TCF4: variants seen among roughly 807,000 people sequenced by gnomAD.
The protein encoded by TCF4 is transcription factor 4.
TCF4 carries 3 observed loss-of-function variants against 82.1 expected under a neutral mutation model. The ratio of observed to expected loss-of-function variants is 0.04; its 90% CI spans 0.02 to 0.09. The LOEUF (loss-of-function observed/expected upper bound fraction) is 0.09, where lower values mean the gene tolerates loss of function less well. TCF4 is among the 10% of genes least tolerant of loss of function. The pLI, the probability that TCF4 is intolerant of heterozygous loss-of-function variation, is 1.00. For missense variants in TCF4, 518 were observed against 852.7 expected (o/e 0.61, Z 4.89); for synonymous variants, 276 against 309.6 (o/e 0.89, Z 1.14).
In TCF4 at chr18:55,259,945, C is replaced by A; in HGVS notation, c.1069+4G>T. On this transcript the variant is annotated splice_donor_region_variant and intron_variant, in intron 13 of 19. Transcript: ENST00000354452. Reference sequence around the variant, plus strand: ...ATGATGAAATGGGATTTGAAATACACTACCTGAGAGAGATGGAGGAGAGCC... The same window carrying A: ...ATGATGAAATGGGATTTGAAATACAATACCTGAGAGAGATGGAGGAGAGCC... 6.2e-7 allele frequency: 1 copy of A among 1,608,634 alleles called. No individual in the cohort carries two copies. The highest frequency in any genetic ancestry group is 8.5e-7 in the Non-Finnish European group (1 of 1,175,298).
chr18:55,516,480 G>A (rs1350677808), intron 3 of TCF4, among the ~76,000 whole-genome samples: 2 of 152,044 alleles, frequency 1.3e-5, no homozygotes, highest in African/African-American at 4.8e-5. Flanking sequence ...GAGAAAGGCA[G>A]TCTGATTATG....
intron 6 of TCF4, among the ~76,000 whole-genome samples, chr18:55,362,419 AAGGAAGGAAGGAAGG>A (rs2085636415): frequency 3.6e-5 from 5 of 139,186 alleles, no homozygotes; most frequent in African/African-American, 1.1e-4. Context: ...GGAAGGAAGG[AAGGAAGGAAGGAAGG>A]AAAAAAAAAA....
chr18:55,593,866 G>A (rs2097688201), intron 2 of TCF4, among the ~76,000 whole-genome samples: 1 of 152,168 alleles, frequency 6.6e-6, no homozygotes, highest in South Asian at 2.1e-4. Context: ...AAATGTCAAG[G>A]GCAGTCTTGA....
intron 3 of TCF4, among the ~76,000 whole-genome samples, chr18:55,466,732 A>T (rs1255314857): frequency 6.6e-6 from 1 of 152,196 alleles, no homozygotes; most frequent in Non-Finnish European, 1.5e-5. Context: ...CACAGAAAAA[A>T]GGAAAAGTAA....
chr18:55,228,849 C>T lies in TCF4; in HGVS notation c.1877G>A (p.Arg626Gln), dbSNP rs776644488. Residue 626 changes from arginine (R) to glutamine (Q), a missense_variant and splice_region_variant, in exon 18 of 20, where the codon CGA becomes CAA. Coordinates refer to ENST00000354452, the MANE Select transcript of TCF4 (RefSeq NM_001083962.2). ...CAAGGAGGCTGGCCTGCACTGACCT[C>T]GGACTTGCTGCTCCAGACTGAGGAT... ...AVILSLEQQVRERNLNPKAAC... is the reference protein window; with the variant it reads ...AVILSLEQQVQERNLNPKAAC... The T allele has an allele frequency of 3.1e-6, 5 of 1,613,888 alleles. No homozygotes were observed. The highest frequency in any genetic ancestry group is 4.2e-6 in the Non-Finnish European group (5 of 1,180,028).
chr18:55,410,262 C>A lies in TCF4; in HGVS notation c.305-6744G>T, dbSNP rs188104564. Among the ~76,000 whole-genome samples the A allele has an allele frequency of 5.3e-5, 8 of 152,200 alleles. No homozygotes were observed. The East Asian group carries it at 1.4e-3, about 26-fold the overall frequency. On this transcript the variant is annotated intron_variant, in intron 5 of 19. Coordinates refer to ENST00000354452, the MANE Select transcript of TCF4 (RefSeq NM_001083962.2). The stretch of plus-strand genomic sequence containing the variant: ...CTCAGTAATGGCCTATAGCTCTGAT[C>A]CCACTGGAAATTGGGGAGTTTTGGC...
chr18:55,461,260 C>T (rs1385201733), intron 4 of TCF4, 145 bp from the exon 5 acceptor site: 1 of 681,376 alleles, frequency 1.5e-6, no homozygotes, highest in Non-Finnish European at 2.5e-6. Flanking sequence ...AAGGAATCTG[C>T]ACTTTCACAG....
intron 5 of TCF4, among the ~76,000 whole-genome samples, chr18:55,451,730 C>T (rs1001246995): frequency 3.3e-5 from 5 of 152,246 alleles, no homozygotes; most frequent in African/African-American, 1.2e-4. Flanking sequence ...AGTGTTTAAT[C>T]GCAACCCCGC....
At chr18:55,356,875 A>T (rs539338438) in intron 6 of TCF4, among the ~76,000 whole-genome samples, 3 of 152,320 alleles carry the variant, frequency 2.0e-5, no homozygotes, top group Admixed American at 2.0e-4. Flanking sequence ...TGCCTTAAAC[A>T]AAATTATTTA....
At chr18:55,279,712 G>A (rs1175740338) in intron 8 of TCF4, 56 bp from the exon 9 acceptor site, 1 of 1,610,086 alleles carries the variant, frequency 6.2e-7, no homozygotes, top group East Asian at 2.2e-5. Context: ...AGCAGCCCAA[G>A]CTCCATTCTT....
intron 5 of TCF4, among the ~76,000 whole-genome samples, chr18:55,447,582 A>G (rs756939530): frequency 6.6e-6 from 1 of 152,194 alleles, no homozygotes; most frequent in Non-Finnish European, 1.5e-5. Context: ...TTGAGTATTG[A>G]AGTTTATCAT....
In TCF4 at chr18:55,434,763, C is replaced by CGTGTGTGTGTGTGTGTGTGT. The variant is rs527450659; in HGVS notation, c.304+26236_304+26255dup. Among the ~76,000 whole-genome samples the CGTGTGTGTGTGTGTGTGTGT allele has an allele frequency of 9.4e-3, 1,235 of 131,756 alleles. 24 individuals carry two copies. The highest frequency in any genetic ancestry group is 0.043 in the Admixed American group (546 of 12,730). The allele number at this position is 131,756 out of a possible 152,430, so 86.4% of individuals were successfully genotyped here. A position where few individuals can be genotyped will look rare whatever the true frequency, so the allele number is the denominator to read the frequency against. On this transcript the variant is annotated intron_variant, in intron 5 of 19. Transcript: ENST00000354452. The stretch of plus-strand genomic sequence containing the variant: ...ACATTCTGATCACCTCTCAAGTATT[C>CGTGTGTGTGTGTGTGTGTGT]GTGTGTGTGTGTGTGTGTGTGTGTG...
rs150043154 is a variant in TCF4 at position 55,513,919 on chromosome 18, G to C, written c.146-49782C>G. 5.1e-3 allele frequency among the ~76,000 whole-genome samples: 782 copies of C among 152,214 alleles called. 4 individuals are homozygous for C. The highest frequency in any genetic ancestry group is 8.9e-3 in the Non-Finnish European group (608 of 67,994). On this transcript the variant is annotated intron_variant, in intron 3 of 19. Coordinates refer to ENST00000354452, the MANE Select transcript of TCF4 (RefSeq NM_001083962.2). The stretch of plus-strand genomic sequence containing the variant: ...AGCATATACTGGTAGTCTCTGTTAA[G>C]GCTAATTGAGTTATCATAAACATGC...
At chr18:55,427,859 A>C (rs1045593045) in intron 5 of TCF4, among the ~76,000 whole-genome samples, 4 of 152,246 alleles carry the variant, frequency 2.6e-5, no homozygotes, top group African/African-American at 7.2e-5. Context: ...TGTTTTGTTC[A>C]TCATGAGAAC....
intron 6 of TCF4, among the ~76,000 whole-genome samples, chr18:55,402,642 G>T (rs1463779228): frequency 6.6e-6 from 1 of 152,058 alleles, no homozygotes; most frequent in East Asian, 1.9e-4. Flanking sequence ...TTTTAAAAAA[G>T]ATTTTAAATA....
chr18:55,234,403 T>G lies in TCF4; in HGVS notation c.1486+145A>C, dbSNP rs186369673. ...TTAGCGGGCGAAGTTCTAAATACTT[T>G]GCCATTTCCTTACCATTTTTGTGCC... On this transcript the variant is annotated intron_variant, in intron 16 of 19. Coordinates refer to ENST00000354452, the MANE Select transcript of TCF4 (RefSeq NM_001083962.2). 111 of 1,110,998 alleles carry G rather than the reference T, an allele frequency of 1.0e-4. No homozygotes were observed. The Admixed American group carries it at 1.8e-3, about 18-fold the overall frequency. 68.8% of individuals were successfully genotyped at this position (1,110,998 alleles called of 1,614,324 possible).
chr18:55,324,337 G>A, intron 8 of TCF4, among the ~76,000 whole-genome samples: 1 of 152,154 alleles, frequency 6.6e-6, no homozygotes, highest in East Asian at 1.9e-4. Flanking sequence ...TGCTGACCTT[G>A]GAGTACATTT....
At chr18:55,242,000 C>G (rs529839550) in intron 15 of TCF4, among the ~76,000 whole-genome samples, 10 of 152,270 alleles carry the variant, frequency 6.6e-5, no homozygotes, top group African/African-American at 2.4e-4. Context: ...ATTACCTACG[C>G]ATGGCCTCTC....
At chr18:55,321,768 C>CACTCTA in intron 8 of TCF4, 5 of 1,523,810 alleles carry the variant, frequency 3.3e-6, no homozygotes, top group Non-Finnish European at 4.4e-6. Context: ...TCCTCAGTAC[C>CACTCTA]ACTCTAACAA....
Sources: gnomAD v4.1 joint callset for allele counts (sites outside exome capture counted in the v4.1 genomes callset) on GRCh38, gnomAD v4.1.1 for gene constraint, MANE v1.5 for transcripts, NCBI Gene and HGNC (gene_info 2026-07-23, HGNC 2026-07-21) for gene names.